Variants in SPTSSA observed in about 807,000 individuals in gnomAD.
SPTSSA encodes serine palmitoyltransferase small subunit A.
A neutral mutation model predicts 9.1 loss-of-function variants in SPTSSA; 8 were observed. The observed-to-expected ratio is 0.88, with a 90% CI of 0.51 to 1.58. The LOEUF is 1.58. Among genes scored for constraint, SPTSSA ranks in the 40% most tolerant of loss-of-function variants. SPTSSA has a pLI of 0.00. For synonymous variants in SPTSSA, 42 were observed against 37.7 expected, an observed-to-expected ratio of 1.11 and a Z score of -0.41; for missense variants, 100 against 93.8, an observed-to-expected ratio of 1.07 and a Z score of -0.27.
chr14:34,437,431 T>C (rs529415787), intron 1 of SPTSSA, among the ~76,000 whole-genome samples: 1 of 152,338 alleles, frequency 6.6e-6, no homozygotes, highest in South Asian at 2.1e-4. Context: ...CCTCCTAGTA[T>C]AGCAGCCATG....
chr14:34,435,345 C>T (rs1218960447), intron 1 of SPTSSA, 41 bp from the exon 2 acceptor site: 1 of 1,439,508 alleles, frequency 6.9e-7, no homozygotes, highest in African/African-American at 1.4e-5. Context: ...TTAATTTATT[C>T]AAAACTAAAT....
chr14:34,438,061 C>T (rs142532172), intron 1 of SPTSSA, among the ~76,000 whole-genome samples: 4 of 152,110 alleles, frequency 2.6e-5, no homozygotes, highest in Admixed American at 6.6e-5. Context: ...CCTCAGCCCC[C>T]CAAAGTGCTG....
In SPTSSA at chr14:34,434,463, A is replaced by G. The variant is rs924544435; in HGVS notation, c.*738T>C. 2 of 152,684 alleles carry G rather than the reference A, an allele frequency of 1.3e-5. No homozygotes were observed. The highest frequency in any genetic ancestry group is 2.9e-5 in the Non-Finnish European group (2 of 68,040). 9.5% of individuals were successfully genotyped at this position (152,684 alleles called of 1,614,324 possible). On this transcript the variant is annotated 3_prime_UTR_variant, in exon 2 of 2. Coordinates refer to ENST00000298130, the MANE Select transcript of SPTSSA (RefSeq NM_138288.4). ...AAACTCTATGGTATATAAGCATTACATAATAATGCTACTTAACCACCTTTT... is the reference window on the plus strand; with the variant it reads ...AAACTCTATGGTATATAAGCATTACGTAATAATGCTACTTAACCACCTTTT...
chr14:34,451,654 C>G (rs751531055), intron 1 of SPTSSA, among the ~76,000 whole-genome samples: 1 of 143,056 alleles, frequency 7.0e-6, no homozygotes, highest in African/African-American at 2.6e-5. Context: ...ACTCGGGAGG[C>G]GGAGCTTGCA....
intron 1 of SPTSSA, among the ~76,000 whole-genome samples, chr14:34,456,763 G>A (rs899296258): frequency 6.6e-6 from 1 of 151,472 alleles, no homozygotes; most frequent in Non-Finnish European, 1.5e-5. Flanking sequence ...GCCGGGCGTG[G>A]TGGCACACAC....
At chr14:34,442,035 C>A (rs1276243852) in intron 1 of SPTSSA, among the ~76,000 whole-genome samples, 1 of 152,002 alleles carries the variant, frequency 6.6e-6, no homozygotes, top group Non-Finnish European at 1.5e-5. Context: ...GCCACCATGC[C>A]CGGCTAATTT....
At chr14:34,455,644 CT>C (rs1179983623) in intron 1 of SPTSSA, among the ~76,000 whole-genome samples, 1 of 151,724 alleles carries the variant, frequency 6.6e-6, no homozygotes, top group East Asian at 1.9e-4. Context: ...AAAAAAAGTC[CT>C]TTTAGGCCAG....
intron 1 of SPTSSA, among the ~76,000 whole-genome samples, chr14:34,440,772 T>C (rs1883303436): frequency 6.6e-6 from 1 of 151,936 alleles, no homozygotes; most frequent in South Asian, 2.1e-4. Flanking sequence ...TCCCAGCTAC[T>C]TGGGAGGCTG....
chr14:34,459,610 A>G (rs111841189), intron 1 of SPTSSA, among the ~76,000 whole-genome samples: 1 of 151,206 alleles, frequency 6.6e-6, no homozygotes, highest in African/African-American at 2.4e-5. Flanking sequence ...GCGAAACCCC[A>G]TCTCTACTAA....
chr14:34,441,478 C>T (rs1883315280), intron 1 of SPTSSA, among the ~76,000 whole-genome samples: 1 of 152,220 alleles, frequency 6.6e-6, no homozygotes, highest in African/African-American at 2.4e-5. Flanking sequence ...CAATAAAACC[C>T]TTCATTCCTT....
chr14:34,438,046 TC>T (rs1478203228), intron 1 of SPTSSA, among the ~76,000 whole-genome samples: 1 of 151,988 alleles, frequency 6.6e-6, no homozygotes, highest in Non-Finnish European at 1.5e-5. Context: ...CAAGCAATCC[TC>T]CCACCTCAGC....
intron 1 of SPTSSA, among the ~76,000 whole-genome samples, chr14:34,444,034 T>C (rs1186635228): frequency 6.6e-6 from 1 of 152,240 alleles, no homozygotes; most frequent in Non-Finnish European, 1.5e-5. Context: ...TAAGAATTTC[T>C]TACTGGTCTC....
At chr14:34,446,018 A>G (rs1156651396) in intron 1 of SPTSSA, among the ~76,000 whole-genome samples, 2 of 152,186 alleles carry the variant, frequency 1.3e-5, no homozygotes, top group Non-Finnish European at 2.9e-5. Context: ...CATTCCACTG[A>G]TATCTGGTTG....
rs1883203164 is a variant in SPTSSA at position 34,434,181 on chromosome 14, A to G, written c.*1020T>C. On this transcript the variant is annotated 3_prime_UTR_variant, in exon 2 of 2. Transcript: ENST00000298130. ...ATCAGCTGATTTTTTTTCTCTTTGA[A>G]TTTAATGTATTTACATCAAAAAATT... The G allele has an allele frequency of 6.6e-6, 1 of 152,414 alleles. No individual in the cohort carries two copies. Among genetic ancestry groups the G allele is most frequent in the South Asian group, 2.1e-4 (1 of 4,822 alleles). The allele number at this position is 152,414 out of a possible 1,614,324, so 9.4% of individuals were successfully genotyped here. A position where few individuals can be genotyped will look rare whatever the true frequency, so the allele number is the denominator to read the frequency against.
chr14:34,460,057 G>C (rs1194687463), intron 1 of SPTSSA, among the ~76,000 whole-genome samples: 3 of 152,008 alleles, frequency 2.0e-5, no homozygotes, highest in African/African-American at 7.3e-5. Context: ...CTGACAAGTA[G>C]GGAAAAAAAT....
At chr14:34,443,115 C>A (rs553557862) in intron 1 of SPTSSA, among the ~76,000 whole-genome samples, 2 of 98,082 alleles carry the variant, frequency 2.0e-5, no homozygotes, top group Non-Finnish European at 3.8e-5. Flanking sequence ...CAGGTTCAAG[C>A]GATTCTCCTG....
intron 1 of SPTSSA, among the ~76,000 whole-genome samples, chr14:34,440,753 T>C (rs1883303306): frequency 1.3e-5 from 2 of 152,004 alleles, no homozygotes; most frequent in African/African-American, 2.4e-5. Context: ...TGGTGGCGCA[T>C]GCCTGTAATC....
intron 1 of SPTSSA, among the ~76,000 whole-genome samples, chr14:34,459,727 G>A (rs1439831702): frequency 6.6e-6 from 1 of 152,164 alleles, no homozygotes; most frequent in Non-Finnish European, 1.5e-5. Flanking sequence ...GTTGCAGTGA[G>A]CCAAGATGGC....
rs1212585693 is a variant in SPTSSA at position 34,434,444 on chromosome 14, T to TA, written c.*756dup. On this transcript the variant is annotated 3_prime_UTR_variant, in exon 2 of 2. Coordinates refer to ENST00000298130, the MANE Select transcript of SPTSSA (RefSeq NM_138288.4). ...TGGATTTCTCTTCTATTAAAAACTC[T>TA]ATGGTATATAAGCATTACATAATAA... 2 of 152,662 alleles carry TA rather than the reference T, an allele frequency of 1.3e-5. No individual in the cohort carries two copies. The highest frequency in any genetic ancestry group is 2.9e-5 in the Non-Finnish European group (2 of 68,036). The allele number at this position is 152,662 out of a possible 1,614,324, so 9.5% of individuals were successfully genotyped here. A position where few individuals can be genotyped will look rare whatever the true frequency, so the allele number is the denominator to read the frequency against.
Sources: allele counts gnomAD v4.1 joint callset (sites outside exome capture counted in the v4.1 genomes callset), GRCh38; gene constraint gnomAD v4.1.1; transcripts MANE v1.5; gene names NCBI Gene and HGNC (gene_info 2026-07-23, HGNC 2026-07-21).